Variants in UST observed in about 807,000 individuals in gnomAD.
UST encodes chondroitin sulfate 2-O-sulfotransferase.
Under a neutral mutation model 45.6 loss-of-function variants are expected in UST, and 21 were observed. The ratio of observed to expected loss-of-function variants is 0.46; its 90% CI spans 0.33 to 0.66. The LOEUF is 0.66. Among genes scored for constraint, UST ranks in the 30% least tolerant of loss-of-function variants. UST has a pLI of 0.02. For missense variants in UST, 463 were observed against 512.4 expected (o/e 0.90, Z 0.93); for synonymous variants, 215 against 200.6 (o/e 1.07, Z -0.61).
chr6:149,044,663 G>A (rs554697982), intron 7 of UST, among the ~76,000 whole-genome samples: 141 of 152,302 alleles, frequency 9.3e-4, no homozygotes, highest in Non-Finnish European at 1.7e-3. Context: ...GGGAAATGGC[G>A]TCTGCTGCAT....
rs1172179555 is a variant in UST, at chr6:148,748,759, A to G, written c.247+1082A>G. Among the ~76,000 whole-genome samples, 1 of 152,138 alleles carries G rather than the reference A, an allele frequency of 6.6e-6. No individual in the cohort carries two copies. Among genetic ancestry groups the G allele is most frequent in the Non-Finnish European group, 1.5e-5 (1 of 68,024 alleles). On this transcript the variant is annotated intron_variant, in intron 1 of 7. Coordinates refer to ENST00000367463, the MANE Select transcript of UST (RefSeq NM_005715.3). This position sits in a 1 kb window ranked among gnomAD's most constrained non-coding sequence, Gnocchi z 5.3. ...CGAAGTGATAAGCCTGAGCATCTGC[A>G]CGATGAGAGCGAGTGCGGGGAAGCA...
At chr6:148,863,500 T>C (rs576048174) in intron 1 of UST, among the ~76,000 whole-genome samples, 2 of 152,354 alleles carry the variant, frequency 1.3e-5, no homozygotes, top group Admixed American at 6.5e-5. Context: ...CCTTCTTCTC[T>C]CAACTCGCCA....
At chr6:148,893,912 G>A (rs1444178516) in intron 2 of UST, among the ~76,000 whole-genome samples, 1 of 152,140 alleles carries the variant, frequency 6.6e-6, no homozygotes, top group Non-Finnish European at 1.5e-5. Context: ...GAGCACTTTT[G>A]GAGGCTGAGG....
At position 148,790,328 on chromosome 6, in the gene UST, G is replaced by A. The variant is rs1582813861; in HGVS notation, c.247+42651G>A. Among the ~76,000 whole-genome samples the A allele has an allele frequency of 6.6e-6, 1 of 152,252 alleles. No homozygotes were observed. The highest frequency in any genetic ancestry group is 1.9e-4 in the East Asian group (1 of 5,178). ...CGTTTTGCTGTCTGCTCTCTCCAGC[G>A]CCTCATGATGTCAGATGTAGAATAA... On this transcript the variant is annotated intron_variant, in intron 1 of 7. Coordinates refer to ENST00000367463, the MANE Select transcript of UST (RefSeq NM_005715.3). This position sits in a 1 kb window ranked among gnomAD's most constrained non-coding sequence, Gnocchi z 4.2.
chr6:148,996,933 T>G (rs1464840057), intron 5 of UST, among the ~76,000 whole-genome samples: 1 of 152,220 alleles, frequency 6.6e-6, no homozygotes, highest in Non-Finnish European at 1.5e-5. Flanking sequence ...TTAATTAGAA[T>G]TTTTATTTTA....
At chr6:149,056,121 T>TC (rs1351485003) in intron 7 of UST, among the ~76,000 whole-genome samples, 34 of 92,298 alleles carry the variant, frequency 3.7e-4, no homozygotes, top group East Asian at 1.2e-3. Flanking sequence ...TCTTTTCTTT[T>TC]TTTTTTTTTT....
At chr6:148,954,068 G>A (rs546452448) in intron 4 of UST, 117 bp downstream of exon 4, 82 of 701,770 alleles carry the variant, frequency 1.2e-4, no homozygotes, top group African/African-American at 1.2e-3. Flanking sequence ...TTTTTAATCC[G>A]TTTATTTTTG....
intron 2 of UST, among the ~76,000 whole-genome samples, chr6:148,915,817 G>A (rs1029292060): frequency 2.1e-5 from 3 of 140,116 alleles, no homozygotes; most frequent in African/African-American, 4.9e-5. Flanking sequence ...ACACCAGGCT[G>A]AAATGGAAGC....
intron 5 of UST, among the ~76,000 whole-genome samples, chr6:148,984,560 G>A (rs1244892843): frequency 6.6e-6 from 1 of 152,204 alleles, no homozygotes; most frequent in African/African-American, 2.4e-5. Context: ...TTAGAGACGG[G>A]ATCTCACTCT....
Position 149,019,125 on chromosome 6 carries a change from A to G in UST, c.682-14A>G. On this transcript the variant is annotated splice_polypyrimidine_tract_variant and intron_variant, in intron 5 of 7. Transcript: ENST00000367463. ...AGACTACAAGACATCTGACTGCTGTATTTTCTCTTCTAGGATATCAATGAG... is the reference window on the plus strand; with the variant it reads ...AGACTACAAGACATCTGACTGCTGTGTTTTCTCTTCTAGGATATCAATGAG... The G allele has an allele frequency of 1.3e-6, 2 of 1,595,276 alleles. No homozygotes were observed. Among genetic ancestry groups the G allele is most frequent in the Non-Finnish European group, 1.7e-6 (2 of 1,162,996 alleles).
chr6:148,828,724 A>G (rs1258729617), intron 1 of UST, among the ~76,000 whole-genome samples: 2 of 152,238 alleles, frequency 1.3e-5, no homozygotes, highest in African/African-American at 4.8e-5. Context: ...GTTTATTATT[A>G]TTATTAAGCT....
At position 149,000,961 on chromosome 6, in the gene UST, A is replaced by G. The variant is rs373149218; in HGVS notation, c.682-18178A>G. Among the ~76,000 whole-genome samples the G allele has an allele frequency of 4.6e-5, 7 of 152,328 alleles. 1 individual carries two copies. The highest frequency in any genetic ancestry group is 1.3e-4 in the Admixed American group (2 of 15,302). The stretch of plus-strand genomic sequence containing the variant: ...AAGAGACATGGAAAAAATATTGTAA[A>G]GTTTCAACAGGCATCTGATAGGAGA... On this transcript the variant is annotated intron_variant, in intron 5 of 7. Coordinates refer to ENST00000367463, the MANE Select transcript of UST (RefSeq NM_005715.3).
chr6:148,910,905 C>A (rs1370884986), intron 2 of UST, among the ~76,000 whole-genome samples: 2 of 152,142 alleles, frequency 1.3e-5, no homozygotes, highest in Non-Finnish European at 2.9e-5. Context: ...TCATTTCTTT[C>A]TTCCTTTCTC....
At chr6:148,772,140 A>C (rs1158281217) in intron 1 of UST, among the ~76,000 whole-genome samples, 1 of 152,166 alleles carries the variant, frequency 6.6e-6, no homozygotes, top group Non-Finnish European at 1.5e-5. Flanking sequence ...TAGGTGTCCT[A>C]CTTTTCATTG....
chr6:148,969,801 TC>T (rs1022833966), intron 5 of UST, among the ~76,000 whole-genome samples: 2 of 152,082 alleles, frequency 1.3e-5, no homozygotes, highest in African/African-American at 4.8e-5. Flanking sequence ...CTAGATTCCT[TC>T]CCCCGGGAAC....
intron 7 of UST, among the ~76,000 whole-genome samples, chr6:149,055,748 C>A (rs1776552429): frequency 6.6e-6 from 1 of 152,186 alleles, no homozygotes; most frequent in South Asian, 2.1e-4. Context: ...AAGGGGAAGG[C>A]TGGTGGTTAA....
intron 1 of UST, among the ~76,000 whole-genome samples, chr6:148,783,490 G>A (rs1347376841): frequency 6.6e-6 from 1 of 152,110 alleles, no homozygotes; most frequent in African/African-American, 2.4e-5. Context: ...TTTTTCCCAT[G>A]TACACCTTTC....
At chr6:148,753,189 T>G (rs1343513053) in intron 1 of UST, among the ~76,000 whole-genome samples, 1 of 152,200 alleles carries the variant, frequency 6.6e-6, no homozygotes, top group African/African-American at 2.4e-5. Context: ...TTTTAATAGT[T>G]TAATAGCTTT....
intron 1 of UST, among the ~76,000 whole-genome samples, chr6:148,839,679 G>T (rs1777854412): frequency 6.6e-6 from 1 of 152,110 alleles, no homozygotes; most frequent in African/African-American, 2.4e-5. Context: ...ACCAAAAATG[G>T]ATTATCAGCT....
Sources: gnomAD v4.1 joint callset for allele counts (sites outside exome capture counted in the v4.1 genomes callset) on GRCh38, gnomAD v4.1.1 for gene constraint, Gnocchi (gnomAD v3.1) non-coding constraint, MANE v1.5 for transcripts, NCBI Gene and HGNC (gene_info 2026-07-23, HGNC 2026-07-21) for gene names.